NFX1: variants seen among roughly 807,000 people sequenced by gnomAD.
NFX1 encodes the protein nuclear transcription factor, X-box binding 1.
A neutral mutation model predicts 137.2 loss-of-function variants in NFX1; 69 were observed. The ratio of observed to expected loss-of-function variants is 0.50; its 90% confidence interval spans 0.41 to 0.61. The LOEUF is 0.61. Among genes scored for constraint, NFX1 ranks in the 20% least tolerant of loss-of-function variants. NFX1 has a pLI of 0.00. For synonymous variants in NFX1, 495 were observed against 474.1 expected, an observed-to-expected ratio of 1.04 and a Z score of -0.57; for missense variants, 1,167 against 1,391.0, an observed-to-expected ratio of 0.84 and a Z score of 2.56.
At chr9:33,324,215 C>T (rs774173112) in intron 9 of NFX1, among the ~76,000 whole-genome samples, 3 of 152,034 alleles carry the variant, frequency 2.0e-5, no homozygotes, top group Non-Finnish European at 4.4e-5. Flanking sequence ...CTCGTCTCTA[C>T]TAAAAATATA....
chr9:33,348,821 C>T (rs576306949), intron 15 of NFX1: 1 of 975,460 alleles, frequency 1.0e-6, no homozygotes, highest in East Asian at 1.1e-4. Flanking sequence ...ACGTGGTACA[C>T]ATTTTTCCTT....
chr9:33,350,206 A>G (rs1479818427), intron 15 of NFX1, among the ~76,000 whole-genome samples: 1 of 149,224 alleles, frequency 6.7e-6, no homozygotes, highest in Non-Finnish European at 1.5e-5. Flanking sequence ...TGGGAGGCTG[A>G]GGTAGGAGAA....
chr9:33,361,929 C>T (rs1477232208), intron 19 of NFX1, among the ~76,000 whole-genome samples: 4 of 152,004 alleles, frequency 2.6e-5, no homozygotes. Context: ...TCAAGACCAG[C>T]CTGGGCGACA....
chr9:33,315,139 C>T (rs998610163), intron 7 of NFX1, among the ~76,000 whole-genome samples: 4 of 151,276 alleles, frequency 2.6e-5, no homozygotes, highest in African/African-American at 4.9e-5. Flanking sequence ...GCAGGAGAAT[C>T]GCTTGAACCT....
At chr9:33,344,511 A>G (rs1199642070) in intron 14 of NFX1, among the ~76,000 whole-genome samples, 1 of 152,232 alleles carries the variant, frequency 6.6e-6, no homozygotes, top group African/African-American at 2.4e-5. Context: ...TTTTTACAAA[A>G]TTAAAAGTGA....
rs1399677255 is a variant in NFX1 at position 33,332,477 on chromosome 9, T to C, written c.2010T>C (p.Leu670=). 6.3e-7 allele frequency: 1 copy of C among 1,590,158 alleles called. No homozygotes were observed. The highest frequency in any genetic ancestry group is 2.3e-5 in the East Asian group (1 of 44,314). Residue 670 remains leucine, a synonymous_variant, in exon 11 of 24, where the codon CTT becomes CTC. Transcript: ENST00000379540. ...SCRCSFRTKE[L]PCTSLKSEDA... ...TTCTTTTTCTTTTTCCATAGGAGCT[T>C]CCATGTACCAGTCTCAAAAGTGAAG...
rs1823642847 is a variant in NFX1, at chr9:33,351,710, C to T, written c.2575C>T (p.Pro859Ser). The change falls in exon 16 of 24, where the codon CCC becomes TCC. Residue 859 changes from proline to serine, a missense_variant. By Grantham distance (74) the Pro-to-Ser change is moderately conservative. This residue lies in a region of NFX1 where 488 missense variants were observed against 691.5 expected (regional missense o/e 0.71). Coordinates refer to ENST00000379540, the MANE Select transcript of NFX1 (RefSeq NM_002504.6). ...DEPCKQPCTT[P>S]RADCGHPCMA... ...GCCCTGCAAGCAGCCCTGCACCACC[C>T]CCAGAGCTGACTGTGGTCACCCGTG... 6.2e-7 allele frequency: 1 copy of T among 1,613,986 alleles called. No individual in the cohort carries two copies.
In NFX1 at chr9:33,316,996, G is replaced by A. The variant is rs374449355; in HGVS notation, c.1589-1735G>A. Among the ~76,000 whole-genome samples the A allele has an allele frequency of 1.5e-3, 223 of 152,256 alleles. 1 individual carries two copies. The highest frequency in any genetic ancestry group is 5.2e-3 in the African/African-American group (216 of 41,564). On this transcript the variant is annotated intron_variant, in intron 7 of 23. Transcript: ENST00000379540. ...AGCAAAGAAAAGCCTACTAGCAAAAGCTTCCAGTTTCCAGGGTTTCTTTAC... is the reference window on the plus strand; with the variant it reads ...AGCAAAGAAAAGCCTACTAGCAAAAACTTCCAGTTTCCAGGGTTTCTTTAC...
chr9:33,313,889 A>T (rs1322554469), intron 7 of NFX1, 96 bp downstream of exon 7: 1 of 1,293,120 alleles, frequency 7.7e-7, no homozygotes, highest in Non-Finnish European at 1.1e-6. Flanking sequence ...TCAGACTTTT[A>T]GTCACAAAGA....
chr9:33,316,028 A>G (rs1486791869), intron 7 of NFX1, among the ~76,000 whole-genome samples: 2 of 152,162 alleles, frequency 1.3e-5, no homozygotes, highest in Non-Finnish European at 2.9e-5. Flanking sequence ...GACTGATTAA[A>G]TGTGTCCTGA....
At chr9:33,306,882 C>T (rs1049839742) in intron 4 of NFX1, among the ~76,000 whole-genome samples, 6 of 152,030 alleles carry the variant, frequency 3.9e-5, no homozygotes, top group African/African-American at 9.7e-5. Flanking sequence ...CAGTTATAGA[C>T]GACTTGTCTT....
At chr9:33,297,691 G>A in intron 2 of NFX1, among the ~76,000 whole-genome samples, 1 of 152,204 alleles carries the variant, frequency 6.6e-6, no homozygotes, top group East Asian at 1.9e-4. Flanking sequence ...CTGTTGGCCA[G>A]GGGTGTCTCT....
intron 19 of NFX1, among the ~76,000 whole-genome samples, chr9:33,362,920 T>A (rs1011130953): frequency 6.6e-6 from 1 of 152,004 alleles, no homozygotes; most frequent in Non-Finnish European, 1.5e-5. Flanking sequence ...GTCAGGCTGG[T>A]CTCGAGCTCC....
chr9:33,366,907 C>T, intron 22 of NFX1, 133 bp downstream of exon 22: 2 of 1,168,804 alleles, frequency 1.7e-6, no homozygotes, highest in Non-Finnish European at 2.3e-6. Context: ...ATCTGCTTCT[C>T]TGGCACTTCC....
chr9:33,340,800 G>A (rs1224629655), intron 12 of NFX1, among the ~76,000 whole-genome samples: 1 of 152,092 alleles, frequency 6.6e-6, no homozygotes, highest in African/African-American at 2.4e-5. Flanking sequence ...CTAGGGCAGG[G>A]GCAAAATGTT....
At chr9:33,353,757 C>T (rs1409212447) in intron 17 of NFX1, among the ~76,000 whole-genome samples, 6 of 142,744 alleles carry the variant, frequency 4.2e-5, no homozygotes, top group Admixed American at 7.5e-5. Context: ...GGTGCAATCT[C>T]GGCTCACTGC....
intron 15 of NFX1, among the ~76,000 whole-genome samples, chr9:33,349,231 A>G (rs965160189): frequency 2.0e-5 from 3 of 152,192 alleles, no homozygotes. Flanking sequence ...CCTTGCCCTT[A>G]TGAAGCCTTC....
chr9:33,366,659 C>T lies in NFX1; in HGVS notation c.3070C>T (p.Pro1024Ser), dbSNP rs748716336. 1.1e-5 allele frequency: 18 copies of T among 1,614,060 alleles called. No homozygotes were observed. The East Asian group carries it at 3.8e-4, about 34-fold the overall frequency. The change falls in exon 22 of 24, where the codon CCT (proline) becomes TCT (serine). Residue 1024 changes from proline to serine, a missense_variant. Coordinates refer to ENST00000379540, the MANE Select transcript of NFX1 (RefSeq NM_002504.6). The stretch of plus-strand genomic sequence containing the variant: ...GAATAGTAAGAAAAGCCACAGCTTC[C>T]CTCCCATGAACAGAGACCACCGCCG... ...GKNSKKSHSF[P>S]PMNRDHRRII...
intron 4 of NFX1, 76 bp from the exon 5 acceptor site, chr9:33,307,118 A>G (rs1405361074): frequency 2.7e-6 from 3 of 1,126,906 alleles, no homozygotes; most frequent in African/African-American, 1.5e-5. Flanking sequence ...CTGCCTAGCT[A>G]TACTTTACTG....
Sources: gnomAD v4.1 joint callset for allele counts (sites outside exome capture counted in the v4.1 genomes callset) on GRCh38, gnomAD v4.1.1 for gene constraint, gnomAD v4.1.1 regional missense constraint, MANE v1.5 for transcripts, NCBI Gene and HGNC (gene_info 2026-07-23, HGNC 2026-07-21) for gene names.